The following ESRRG variants were observed in gnomAD, a reference collection of about 807,000 sequenced individuals.
ESRRG encodes estrogen-related receptor gamma.
A neutral mutation model predicts 44.0 loss-of-function variants in ESRRG; 13 were observed. The ratio of observed to expected loss-of-function variants is 0.30; its 90% CI spans 0.19 to 0.47. The LOEUF (loss-of-function observed/expected upper bound fraction) is 0.47. Among genes scored for constraint, ESRRG ranks in the 20% least tolerant of loss-of-function variants. The probability of loss-of-function intolerance (pLI) is 1.00; values close to 1 mark genes in which losing one functional copy is unlikely to be tolerated. For synonymous variants in ESRRG, 215 were observed against 214.6 expected (o/e 1.00, Z -0.02); for missense variants, 395 against 580.6 (o/e 0.68, Z 3.29).
At chr1:217,134,238 T>C (rs2102550721) in intron 1 of ESRRG, among the ~76,000 whole-genome samples, 1 of 152,070 alleles carries the variant, frequency 6.6e-6, no homozygotes, top group South Asian at 2.1e-4. Context: ...GGGGAGTAGG[T>C]CTCCTCCAAA....
intron 3 of ESRRG, among the ~76,000 whole-genome samples, chr1:216,580,510 A>G (rs2062559696): frequency 6.6e-6 from 1 of 152,214 alleles, no homozygotes; most frequent in South Asian, 2.1e-4. Context: ...GATATTAAGA[A>G]GAACTGACTA....
chr1:216,964,980 CA>C (rs2069971214), intron 1 of ESRRG, among the ~76,000 whole-genome samples: 2 of 152,286 alleles, frequency 1.3e-5, no homozygotes, highest in African/African-American at 4.8e-5. Flanking sequence ...ATTTCACAGA[CA>C]TTTGCACTAA....
intron 1 of ESRRG, among the ~76,000 whole-genome samples, chr1:216,963,166 T>C (rs2150197783): frequency 6.6e-6 from 1 of 152,286 alleles, no homozygotes; most frequent in Admixed American, 6.5e-5. Context: ...ACCTAAAGAA[T>C]AATTATTAAA....
chr1:216,924,582 G>C (rs1317577226), intron 2 of ESRRG, among the ~76,000 whole-genome samples: 9 of 152,208 alleles, frequency 5.9e-5, no homozygotes, highest in Admixed American at 3.9e-4. Flanking sequence ...TCTCAAATCA[G>C]AGTTTTGTCC....
intron 1 of ESRRG, among the ~76,000 whole-genome samples, chr1:217,063,266 C>T (rs763553634): frequency 3.9e-5 from 6 of 152,138 alleles, no homozygotes; most frequent in Non-Finnish European, 5.9e-5. Flanking sequence ...AGTTGGCAAC[C>T]GAACAAGCCA....
chr1:216,915,953 C>T lies in ESRRG; in HGVS notation c.-14+23629G>A, dbSNP rs151088907. 2.7e-3 allele frequency among the ~76,000 whole-genome samples: 417 copies of T among 152,272 alleles called. 1 individual carries two copies. The highest frequency in any genetic ancestry group is 8.9e-3 in the African/African-American group (370 of 41,566). Reference sequence around the variant, plus strand: ...AGGAGATCTTGTGAACTATTCGCCACGGGAGGGAGGAAGATGGCTATCTTC... The same window carrying T: ...AGGAGATCTTGTGAACTATTCGCCATGGGAGGGAGGAAGATGGCTATCTTC... On this transcript the variant is annotated intron_variant, in intron 2 of 7. Transcript: ENST00000359162.
chr1:216,796,306 A>G (rs889215593), intron 2 of ESRRG, among the ~76,000 whole-genome samples: 4 of 152,162 alleles, frequency 2.6e-5, no homozygotes, highest in Non-Finnish European at 5.9e-5. Flanking sequence ...GGGCAATTGT[A>G]TATCTCCAAG....
intron 2 of ESRRG, among the ~76,000 whole-genome samples, chr1:216,760,156 C>A (rs2152336530): frequency 6.6e-6 from 1 of 152,046 alleles, no homozygotes; most frequent in Admixed American, 6.6e-5. Context: ...CGCAAGGGAC[C>A]ATGCCTGGTA....
intron 2 of ESRRG, among the ~76,000 whole-genome samples, chr1:216,922,829 T>G (rs921244782): frequency 2.6e-5 from 4 of 152,222 alleles, no homozygotes; most frequent in Middle Eastern, 3.4e-3. Flanking sequence ...CAATTGCAAG[T>G]TTTTGTGGCA....
At chr1:216,953,812 T>C (rs181199139) in intron 1 of ESRRG, among the ~76,000 whole-genome samples, 1 of 152,262 alleles carries the variant, frequency 6.6e-6, no homozygotes, top group Admixed American at 6.5e-5. Flanking sequence ...TCAAGTATTC[T>C]TTTGTGTCTT....
chr1:216,623,586 C>T lies in ESRRG; in HGVS notation c.589+27387G>A, dbSNP rs114498653. On this transcript the variant is annotated intron_variant, in intron 3 of 6. Transcript: ENST00000408911. ...AATTGAAGAGTTACTTTATCAACTT[C>T]TGAGGGTGTAAGGAAACATAAAACA... Among the ~76,000 whole-genome samples, 1,493 of 152,214 alleles carry T rather than the reference C, an allele frequency of 9.8e-3. 16 individuals carry two copies. Among genetic ancestry groups the T allele is most frequent in the South Asian group, 0.036 (172 of 4,816 alleles).
At chr1:216,681,790 T>A (rs934350919) in intron 1 of ESRRG, 14 of 38,212 alleles carry the variant, frequency 3.7e-4, no homozygotes, top group Non-Finnish European at 5.7e-4. Context: ...AAAGAAAGAA[T>A]AAGAATTAAA....
At chr1:217,030,682 T>C (rs2081946535) in intron 1 of ESRRG, among the ~76,000 whole-genome samples, 1 of 152,244 alleles carries the variant, frequency 6.6e-6, no homozygotes, top group African/African-American at 2.4e-5. Flanking sequence ...GGCTGAGCAT[T>C]TGTCAAATTT....
At chr1:216,934,406 C>T (rs995322060) in intron 2 of ESRRG, among the ~76,000 whole-genome samples, 3 of 152,128 alleles carry the variant, frequency 2.0e-5, no homozygotes, top group Non-Finnish European at 2.9e-5. Context: ...TCCTCTCCAG[C>T]TTAGGAGACA....
intron 1 of ESRRG, among the ~76,000 whole-genome samples, chr1:217,068,895 A>C (rs2090164492): frequency 6.6e-6 from 1 of 152,202 alleles, no homozygotes; most frequent in African/African-American, 2.4e-5. Context: ...CACGTCCAGC[A>C]TTTAAAAAGA....
intron 2 of ESRRG, among the ~76,000 whole-genome samples, chr1:216,836,584 T>C (rs1411585941): frequency 6.6e-6 from 1 of 152,168 alleles, no homozygotes; most frequent in African/African-American, 2.4e-5. Context: ...GTGATCTCTC[T>C]CTTCTTCCCT....
At chr1:216,567,676 A>G (rs886452071) in intron 4 of ESRRG, among the ~76,000 whole-genome samples, 2 of 152,194 alleles carry the variant, frequency 1.3e-5, no homozygotes, top group African/African-American at 4.8e-5. Flanking sequence ...ACCTCTGCAA[A>G]TAAAGATAAC....
intron 5 of ESRRG, among the ~76,000 whole-genome samples, chr1:216,533,143 C>T (rs953488174): frequency 3.3e-5 from 5 of 151,864 alleles, no homozygotes; most frequent in Non-Finnish European, 5.9e-5. Flanking sequence ...TGTGTAAATG[C>T]ACATCCATGT....
At chr1:216,936,367 T>C (rs563335166) in intron 2 of ESRRG, among the ~76,000 whole-genome samples, 1 of 152,230 alleles carries the variant, frequency 6.6e-6, no homozygotes, top group East Asian at 1.9e-4. Context: ...ATGTCTTTTA[T>C]GAAGGATCTA....
Sources: gnomAD v4.1 joint callset for allele counts (sites outside exome capture counted in the v4.1 genomes callset) on GRCh38, gnomAD v4.1.1 for gene constraint, MANE v1.5 for transcripts, NCBI Gene and HGNC (gene_info 2026-07-23, HGNC 2026-07-21) for gene names.